The following DDIAS variants were observed in gnomAD, a reference collection of about 807,000 sequenced individuals.
DDIAS encodes DNA damage induced apoptosis suppressor.
DDIAS carries 14 observed loss-of-function variants against 15.7 expected under a neutral mutation model. The ratio of observed to expected loss-of-function variants is 0.89; its 90% CI spans 0.59 to 1.39. The LOEUF is 1.39. DDIAS is among the 40% of genes most tolerant of loss of function. The probability of loss-of-function intolerance (pLI) is 0.00; values close to 1 mark genes in which losing one functional copy is unlikely to be tolerated. For missense variants in DDIAS, 1,035 were observed against 1,130.9 expected (o/e 0.92, Z 1.22); for synonymous variants, 355 against 395.9 (o/e 0.90, Z 1.23).
chr11:82,919,573 T>A (rs1282400876), intron 3 of DDIAS, among the ~76,000 whole-genome samples: 1 of 152,232 alleles, frequency 6.6e-6, no homozygotes, highest in Non-Finnish European at 1.5e-5. Flanking sequence ...TTTGCTTATG[T>A]CCTTTCCTGA....
In DDIAS at chr11:82,918,813, G is replaced by GTT. The variant is rs368436233; in HGVS notation, c.113+3969_113+3970dup. On this transcript the variant is annotated intron_variant, in intron 3 of 5. Transcript: ENST00000533655. Reference sequence around the variant, plus strand: ...CTTGGTTAGGTATCTTCCTAAATTTGTTTTTTTTGTGTGGTTTTTTTTTGT... The same window carrying GTT: ...CTTGGTTAGGTATCTTCCTAAATTTGTTTTTTTTTTGTGTGGTTTTTTTTTGT... 5.8e-3 allele frequency among the ~76,000 whole-genome samples: 880 copies of GTT among 150,998 alleles called. 11 individuals carry two copies. The highest frequency in any genetic ancestry group is 0.02 in the African/African-American group (842 of 41,144).
At chr11:82,902,889 C>T (rs1265296754) in intron 1 of DDIAS, among the ~76,000 whole-genome samples, 1 of 152,224 alleles carries the variant, frequency 6.6e-6, no homozygotes, top group Non-Finnish European at 1.5e-5. Context: ...AGGTAGATTC[C>T]TGTTCTAATG....
At chr11:82,912,127 G>A (rs1289392141) in intron 1 of DDIAS, among the ~76,000 whole-genome samples, 1 of 152,118 alleles carries the variant, frequency 6.6e-6, no homozygotes, top group South Asian at 2.1e-4. Flanking sequence ...TTTTTGGAAT[G>A]GCAAATGAGC....
At chr11:82,926,025 A>G (rs994871686) in intron 3 of DDIAS, among the ~76,000 whole-genome samples, 1 of 151,826 alleles carries the variant, frequency 6.6e-6, no homozygotes, top group Non-Finnish European at 1.5e-5. Context: ...ATCATTATAC[A>G]GTGTAGACGT....
chr11:82,912,782 C>G (rs533032788), intron 1 of DDIAS, among the ~76,000 whole-genome samples: 190 of 152,294 alleles, frequency 1.2e-3, no homozygotes, highest in Non-Finnish European at 2.3e-3. Flanking sequence ...TCCTCACTAA[C>G]CTTAATTTTT....
rs149310144 is a variant in DDIAS, at chr11:82,914,478, T to G, written c.-16-245T>G. Among the ~76,000 whole-genome samples the G allele has an allele frequency of 3.6e-3, 548 of 152,336 alleles. 7 individuals carry two copies. The highest frequency in any genetic ancestry group is 0.012 in the African/African-American group (512 of 41,574). On this transcript the variant is annotated intron_variant, in intron 2 of 5. Coordinates refer to ENST00000533655, the MANE Select transcript of DDIAS (RefSeq NM_145018.4). ...TTCCTGAATTACTGGGATAGAGCATTTATTAAGAAACAGGATACAAGAATT... is the reference window on the plus strand; with the variant it reads ...TTCCTGAATTACTGGGATAGAGCATGTATTAAGAAACAGGATACAAGAATT...
chr11:82,915,922 G>T (rs925701326), intron 3 of DDIAS, among the ~76,000 whole-genome samples: 1 of 152,092 alleles, frequency 6.6e-6, no homozygotes, highest in Non-Finnish European at 1.5e-5. Context: ...GCAACTTTAC[G>T]CAAAATGATG....
chr11:82,910,226 TTA>T (rs1390743418), intron 1 of DDIAS, among the ~76,000 whole-genome samples: 1 of 152,102 alleles, frequency 6.6e-6, no homozygotes, highest in African/African-American at 2.4e-5. Context: ...GTATTTTATG[TTA>T]TATGTTTTAT....
At position 82,932,133 on chromosome 11, in the gene DDIAS, G is replaced by A. The variant is rs1861003148; in HGVS notation, c.795G>A (p.Lys265=). ...ATTTTTCAGCTTCAGAACAAAGTAA[G>A]GCCTTTGGTACTCTTCAGCAGAACA... The part of the protein sequence containing the change: ...NDDFSASEQS[K]AFGTLQQNRK... Residue 265 remains lysine (K), a synonymous_variant, in exon 6 of 6, where the codon AAG becomes AAA. Coordinates refer to ENST00000533655, the MANE Select transcript of DDIAS (RefSeq NM_145018.4). 1 of 1,614,034 alleles carries A rather than the reference G, an allele frequency of 6.2e-7. No homozygotes were observed. The highest frequency in any genetic ancestry group is 8.5e-7 in the Non-Finnish European group (1 of 1,180,046).
Position 82,927,551 on chromosome 11 carries a change from A to T in DDIAS, c.114-1226A>T, listed in dbSNP as rs1860887941. On this transcript the variant is annotated intron_variant, in intron 3 of 5. Coordinates refer to ENST00000533655, the MANE Select transcript of DDIAS (RefSeq NM_145018.4). Reference sequence around the variant, plus strand: ...TTGCCTTTTGCCACTCTTTTTTAAGATCTTTAGCAATCTGAAGAAAAAACA... The same window carrying T: ...TTGCCTTTTGCCACTCTTTTTTAAGTTCTTTAGCAATCTGAAGAAAAAACA... Among the ~76,000 whole-genome samples the T allele has an allele frequency of 3.3e-5, 5 of 152,198 alleles. No individual in the cohort carries two copies. In the South Asian group the frequency reaches 1.0e-3, roughly 31 times the overall value.
At chr11:82,913,933 A>G in intron 2 of DDIAS, 1 of 442,370 alleles carries the variant, frequency 2.3e-6, no homozygotes, top group Non-Finnish European at 4.5e-6. Context: ...AATTTTATAC[A>G]ATACTTTTTT....
intron 3 of DDIAS, among the ~76,000 whole-genome samples, chr11:82,921,865 C>CACTGCGCCCA (rs1860761967): frequency 6.6e-6 from 1 of 152,170 alleles, no homozygotes; most frequent in South Asian, 2.1e-4. Flanking sequence ...AGGCATGAGC[C>CACTGCGCCCA]ACTGCGCCCA....
rs201151239 is a variant in DDIAS, at chr11:82,933,569, A to C, written c.2231A>C (p.His744Pro). 6.3e-5 allele frequency: 101 copies of C among 1,613,956 alleles called. No homozygotes were observed. The highest frequency in any genetic ancestry group is 8.3e-5 in the Non-Finnish European group (98 of 1,179,968). ...TTGCAAAGCCTATCTGACTCTAGGC[A>C]TTCAAGAACATGCTCTCCAACACCT... ...LSLQSLSDSRHSRTCSPTPHF... is the reference protein window; with the variant it reads ...LSLQSLSDSRPSRTCSPTPHF... The change falls in exon 6 of 6, where the codon CAT becomes CCT. Residue 744 changes from histidine (H) to proline (P), a missense_variant. Transcript: ENST00000533655.
Position 82,932,805 on chromosome 11 carries a change from C to G in DDIAS, c.1467C>G (p.Asn489Lys). 1 of 1,613,718 alleles carries G rather than the reference C, an allele frequency of 6.2e-7. No individual in the cohort carries two copies. Among genetic ancestry groups the G allele is most frequent in the Non-Finnish European group, 8.5e-7 (1 of 1,180,028 alleles). Residue 489 changes from asparagine (N) to lysine (K), a missense_variant, in exon 6 of 6, where the codon AAC becomes AAG. Physicochemically the swap from Asn to Lys is moderately conservative, Grantham distance 94 (BLOSUM62 0). Transcript: ENST00000533655. ...CATCACAAGTAATAGTCAAAGCAAA[C>G]TGTAGCAAAGATGACTTCCTTTTCA... ...LRSSQVIVKANCSKDDFLFNC... is the reference protein window; with the variant it reads ...LRSSQVIVKAKCSKDDFLFNC...
chr11:82,934,391 T>G lies in DDIAS; in HGVS notation c.*56T>G. Reference sequence around the variant, plus strand: ...TAAATCTGTTTGGAAATGTTTGCCTTCAGGGGTACGGAAAGCATTCTTTAC... The same window carrying G: ...TAAATCTGTTTGGAAATGTTTGCCTGCAGGGGTACGGAAAGCATTCTTTAC... On this transcript the variant is annotated 3_prime_UTR_variant, in exon 6 of 6. Coordinates refer to ENST00000533655, the MANE Select transcript of DDIAS (RefSeq NM_145018.4). 6.7e-7 allele frequency: 1 copy of G among 1,484,328 alleles called. No individual in the cohort carries two copies. Among genetic ancestry groups the G allele is most frequent in the Admixed American group, 2.3e-5 (1 of 43,850 alleles). The allele number at this position is 1,484,328 out of a possible 1,614,324, so 91.9% of individuals were successfully genotyped here. A position where few individuals can be genotyped will look rare whatever the true frequency, so the allele number is the denominator to read the frequency against.
rs368039906 is a variant in DDIAS at position 82,912,848 on chromosome 11, A to G, written c.-116-439A>G. 1.3e-3 allele frequency among the ~76,000 whole-genome samples: 200 copies of G among 152,230 alleles called. 3 individuals are homozygous for G. The highest frequency in any genetic ancestry group is 4.6e-3 in the African/African-American group (189 of 41,526). ...ATGTGACTCTTCCTTTCACCTGAAC[A>G]CCTAGAGGTCATTGTAGGGTTAATA... On this transcript the variant is annotated intron_variant, in intron 1 of 5. Transcript: ENST00000533655.
chr11:82,919,864 T>A (rs1474422170), intron 3 of DDIAS, among the ~76,000 whole-genome samples: 1 of 152,188 alleles, frequency 6.6e-6, no homozygotes, highest in Non-Finnish European at 1.5e-5. Context: ...TAGCTGGGAC[T>A]ACTGGTGCCC....
intron 3 of DDIAS, 50 bp downstream of exon 3, chr11:82,914,901 T>C: frequency 8.1e-7 from 1 of 1,236,582 alleles, no homozygotes; most frequent in South Asian, 1.3e-5. Context: ...ATGCACACTG[T>C]AGATTTCCTA....
intron 1 of DDIAS, among the ~76,000 whole-genome samples, chr11:82,912,665 G>A (rs755226558): frequency 6.6e-6 from 1 of 152,182 alleles, no homozygotes; most frequent in Non-Finnish European, 1.5e-5. Flanking sequence ...TGTGTTCACT[G>A]GAGTAGCACT....
Sources: allele counts gnomAD v4.1 joint callset (sites outside exome capture counted in the v4.1 genomes callset), GRCh38; gene constraint gnomAD v4.1.1; transcripts MANE v1.5; gene names NCBI Gene and HGNC (gene_info 2026-07-23, HGNC 2026-07-21).